MIX23: variants seen among roughly 807,000 people sequenced by gnomAD.
MIX23 encodes the protein protein MIX23.
A neutral mutation model predicts 21.6 loss-of-function variants in MIX23; 13 were observed. That is an observed-to-expected ratio of 0.60 (90% confidence interval 0.39 to 0.96). The LOEUF is 0.96. MIX23 is among the 40% of genes least tolerant of loss of function. MIX23 has a pLI of 0.00. For synonymous variants in MIX23, 59 were observed against 58.0 expected, an observed-to-expected ratio of 1.02 and a Z score of -0.08; for missense variants, 144 against 171.2, an observed-to-expected ratio of 0.84 and a Z score of 0.89.
intron 4 of MIX23, among the ~76,000 whole-genome samples, chr3:122,362,668 G>A (rs2075366302): frequency 6.6e-6 from 1 of 151,996 alleles, no homozygotes; most frequent in South Asian, 2.1e-4. Context: ...GTAGACACCT[G>A]ACTTCAGGTG....
chr3:122,367,123 G>A (rs759564523), intron 3 of MIX23, among the ~76,000 whole-genome samples: 1 of 151,976 alleles, frequency 6.6e-6, no homozygotes, highest in Admixed American at 6.6e-5. Flanking sequence ...GGGAGAGGGA[G>A]GAAGGCAGGG....
At chr3:122,381,913 C>A (rs946471558) in intron 1 of MIX23, among the ~76,000 whole-genome samples, 26 of 152,096 alleles carry the variant, frequency 1.7e-4, no homozygotes, top group African/African-American at 6.0e-4. Context: ...TTAAATCAAA[C>A]TGTATAGCCT....
intron 4 of MIX23, 70 bp downstream of exon 4, chr3:122,362,898 C>T (rs547949134): frequency 1.6e-6 from 2 of 1,265,950 alleles, no homozygotes; most frequent in Admixed American, 1.8e-5. Context: ...TTTACTCCCC[C>T]TCCCTTGGTT....
At chr3:122,382,584 T>C (rs1310833729) in intron 1 of MIX23, among the ~76,000 whole-genome samples, 2 of 152,224 alleles carry the variant, frequency 1.3e-5, no homozygotes, top group Non-Finnish European at 2.9e-5. Flanking sequence ...ATCCCTATTC[T>C]TGCATTCAGG....
At chr3:122,370,871 C>T (rs752034218) in intron 2 of MIX23, among the ~76,000 whole-genome samples, 2 of 152,170 alleles carry the variant, frequency 1.3e-5, no homozygotes, top group Non-Finnish European at 2.9e-5. Context: ...TACTTTAACA[C>T]AGAACAAAAA....
intron 1 of MIX23, 74 bp from the exon 2 acceptor site, chr3:122,371,874 A>C (rs1447767808): frequency 7.8e-7 from 1 of 1,274,184 alleles, no homozygotes. Flanking sequence ...TTAAGTAAAA[A>C]ATAAAGCTCT....
At chr3:122,371,319 G>C (rs1392039221) in intron 2 of MIX23, among the ~76,000 whole-genome samples, 5 of 152,320 alleles carry the variant, frequency 3.3e-5, no homozygotes, top group Admixed American at 1.3e-4. Flanking sequence ...CAGCTGCCTG[G>C]CTTTTTAGGA....
intron 3 of MIX23, among the ~76,000 whole-genome samples, chr3:122,365,947 G>A (rs1348691687): frequency 2.6e-5 from 4 of 151,876 alleles, no homozygotes; most frequent in Admixed American, 6.6e-5. Context: ...AAGCTGAGAC[G>A]GGCAGATCAC....
intron 1 of MIX23, among the ~76,000 whole-genome samples, chr3:122,381,047 A>T (rs76123338): frequency 6.6e-6 from 1 of 152,190 alleles, no homozygotes; most frequent in East Asian, 1.9e-4. Context: ...AGCAATACTG[A>T]TTTTCTATTT....
chr3:122,367,404 C>G (rs564633638), intron 3 of MIX23, among the ~76,000 whole-genome samples: 30 of 152,272 alleles, frequency 2.0e-4, no homozygotes, highest in Admixed American at 1.0e-3. Flanking sequence ...TTCCTTGACA[C>G]GTCACATACA....
Position 122,363,035 on chromosome 3 carries a change from A to G in MIX23, c.325-8T>C. ...TGACTGCATCCATTTCAACTGCAAG[A>G]AAAAAAAAAATTGAAGTTATAAAAT... On this transcript the variant is annotated splice_region_variant and splice_polypyrimidine_tract_variant and intron_variant, in intron 3 of 4. Transcript: ENST00000291458. The G allele has an allele frequency of 1.5e-6, 2 of 1,315,028 alleles. No homozygotes were observed. The highest frequency in any genetic ancestry group is 2.1e-6 in the Non-Finnish European group (2 of 960,924). 81.5% of individuals were successfully genotyped at this position (1,315,028 alleles called of 1,614,324 possible). A position where few individuals can be genotyped will look rare whatever the true frequency, so the allele number is the denominator to read the frequency against.
chr3:122,375,425 G>A (rs2075477610), intron 1 of MIX23, among the ~76,000 whole-genome samples: 1 of 152,148 alleles, frequency 6.6e-6, no homozygotes, highest in South Asian at 2.1e-4. Context: ...GTCTGTATGT[G>A]GCAATAGTAT....
At chr3:122,368,346 G>A (rs1475278480) in intron 2 of MIX23, 24 bp from the exon 3 acceptor site, 2 of 1,534,590 alleles carry the variant, frequency 1.3e-6, no homozygotes, top group Non-Finnish European at 8.7e-7. Context: ...GGAATGAAAG[G>A]AGAAAAAAAA....
rs2075345828 is a variant in MIX23 at position 122,359,912 on chromosome 3, T to C, written c.392A>G (p.Asn131Ser). 1.3e-6 allele frequency: 2 copies of C among 1,583,298 alleles called. No homozygotes were observed. The highest frequency in any genetic ancestry group is 1.4e-5 in the African/African-American group (1 of 71,764). The change falls in exon 5 of 5, where the codon AAT becomes AGT. Residue 131 changes from asparagine to serine, a missense_variant. Coordinates refer to ENST00000291458, the MANE Select transcript of MIX23 (RefSeq NM_001017928.4). The stretch of plus-strand genomic sequence containing the variant: ...CTTGAAGTGAATTCGGCAGCGTTCA[T>C]TAAACACCTAAAATATTGAAACAGA... The part of the protein sequence containing the change: ...VVNDRSWKVF[N>S]ERCRIHFKPP...
chr3:122,380,010 T>C (rs1377142654), intron 1 of MIX23, among the ~76,000 whole-genome samples: 1 of 152,214 alleles, frequency 6.6e-6, no homozygotes, highest in African/African-American at 2.4e-5. Context: ...CTATATTTAG[T>C]AGTGGGAAGG....
Position 122,371,439 on chromosome 3 carries a change from A to G in MIX23, c.177+236T>C, listed in dbSNP as rs545375710. 2.7e-4 allele frequency among the ~76,000 whole-genome samples: 41 copies of G among 152,348 alleles called. No individual in the cohort carries two copies. In the South Asian group the frequency reaches 4.6e-3, roughly 17 times the overall value. The stretch of plus-strand genomic sequence containing the variant: ...TCCTTAAGTTAAAGGCTACAAAACA[A>G]CTGCTCCCATTCTTTAGAACCATTT... On this transcript the variant is annotated intron_variant, in intron 2 of 4. Coordinates refer to ENST00000291458, the MANE Select transcript of MIX23 (RefSeq NM_001017928.4).
At chr3:122,369,036 A>G (rs951191633) in intron 2 of MIX23, among the ~76,000 whole-genome samples, 1 of 152,190 alleles carries the variant, frequency 6.6e-6, no homozygotes, top group African/African-American at 2.4e-5. Flanking sequence ...TTTATTTCCC[A>G]TCTTGATTCT....
intron 1 of MIX23, among the ~76,000 whole-genome samples, chr3:122,374,891 T>A (rs2075471781): frequency 6.6e-6 from 1 of 152,214 alleles, no homozygotes; most frequent in Non-Finnish European, 1.5e-5. Flanking sequence ...TGGGGGCTAC[T>A]TCAGATAGAC....
chr3:122,363,495 T>C (rs747168109), intron 3 of MIX23, among the ~76,000 whole-genome samples: 59 of 151,800 alleles, frequency 3.9e-4, no homozygotes, highest in Non-Finnish European at 7.2e-4. Flanking sequence ...GGAGGGCAAT[T>C]TGGCAAGAAT....
Sources: allele counts gnomAD v4.1 joint callset (sites outside exome capture counted in the v4.1 genomes callset), GRCh38; gene constraint gnomAD v4.1.1; transcripts MANE v1.5; gene names NCBI Gene and HGNC (gene_info 2026-07-23, HGNC 2026-07-21).